MCC: variants seen among roughly 807,000 people sequenced by gnomAD.
MCC encodes MCC regulator of Wnt signaling pathway, also known as colorectal mutant cancer protein.
MCC carries 90 observed loss-of-function variants against 116.2 expected under a neutral mutation model. The ratio of observed to expected loss-of-function variants is 0.77; its 90% confidence interval spans 0.65 to 0.92. The LOEUF is 0.92. Ranked by LOEUF, MCC falls within the 40% of genes least tolerant of loss-of-function variation. MCC has a pLI of 0.00. For synonymous variants in MCC, 578 were observed against 510.5 expected, an observed-to-expected ratio of 1.13 and a Z score of -1.78; for missense variants, 1,516 against 1,312.2, an observed-to-expected ratio of 1.16 and a Z score of -2.40.
At chr5:113,187,773 A>G (rs2044240) in intron 3 of MCC, among the ~76,000 whole-genome samples, 98,022 of 144,396 alleles carry the variant, frequency 0.68, 34,446 homozygotes, top group Admixed American at 0.79. Flanking sequence ...AAAAAAAAAG[A>G]AAGAAAGAAA....
chr5:113,344,887 C>CTCCT (rs1768096571), intron 2 of MCC, among the ~76,000 whole-genome samples: 1 of 152,006 alleles, frequency 6.6e-6, no homozygotes, highest in African/African-American at 2.4e-5. Flanking sequence ...CAGTGAAAGA[C>CTCCT]TCCTTATATT....
At chr5:113,252,240 C>T (rs903750445) in intron 3 of MCC, among the ~76,000 whole-genome samples, 4 of 152,118 alleles carry the variant, frequency 2.6e-5, no homozygotes, top group African/African-American at 9.7e-5. Flanking sequence ...GGGTCCCCAG[C>T]CCCCGGGCCC....
intron 3 of MCC, among the ~76,000 whole-genome samples, chr5:113,337,104 T>G (rs573951197): frequency 1.3e-5 from 2 of 152,306 alleles, no homozygotes; most frequent in East Asian, 3.9e-4. Flanking sequence ...GAACTCAGCT[T>G]GACTCTCGTG....
At chr5:113,418,154 TTCAGGTATGATC>T (rs1188762906) in intron 1 of MCC, among the ~76,000 whole-genome samples, 2 of 152,070 alleles carry the variant, frequency 1.3e-5, no homozygotes, top group Non-Finnish European at 2.9e-5. Context: ...TGATAGAGGC[TTCAGGTATGATC>T]TCAATTTTCA....
intron 14 of MCC, among the ~76,000 whole-genome samples, chr5:113,055,769 T>G (rs1752792566): frequency 6.6e-6 from 1 of 152,178 alleles, no homozygotes; most frequent in South Asian, 2.1e-4. Context: ...GATTAGGCAT[T>G]GCTGCGAAGG....
At chr5:113,189,649 G>C (rs1005580062) in intron 3 of MCC, among the ~76,000 whole-genome samples, 1 of 152,194 alleles carries the variant, frequency 6.6e-6, no homozygotes, top group African/African-American at 2.4e-5. Context: ...CAACTGAGCG[G>C]ATCAAAATAA....
chr5:113,114,766 G>A (rs1258729996), intron 6 of MCC, among the ~76,000 whole-genome samples: 2 of 152,156 alleles, frequency 1.3e-5, no homozygotes, highest in African/African-American at 4.8e-5. Flanking sequence ...CCAGAATCCA[G>A]GGGAAGATTA....
intron 3 of MCC, among the ~76,000 whole-genome samples, chr5:113,308,445 CAG>C (rs1355758791): frequency 6.6e-6 from 1 of 152,156 alleles, no homozygotes; most frequent in Non-Finnish European, 1.5e-5. Flanking sequence ...TGCCCCAAAC[CAG>C]AGAGTGCCCA....
At chr5:113,220,918 T>C (rs1426952422) in intron 3 of MCC, among the ~76,000 whole-genome samples, 1 of 152,126 alleles carries the variant, frequency 6.6e-6, no homozygotes, top group African/African-American at 2.4e-5. Flanking sequence ...AAAGAAGCAG[T>C]GAGGCCGGGC....
rs749240107 is a variant in MCC at position 113,434,626 on chromosome 5, T to C, written c.171-49414A>G. The C allele has an allele frequency of 3.0e-5, 49 of 1,613,984 alleles. No individual in the cohort carries two copies. The highest frequency in any genetic ancestry group is 3.9e-5 in the Non-Finnish European group (46 of 1,179,898). On this transcript the variant is annotated intron_variant, in intron 1 of 18. Transcript: ENST00000408903. The surrounding 1 kb of genome is among the most constrained non-coding windows in gnomAD (Gnocchi z 4.2). ...TCAAAGATCTCGTAGGTCTTAATGA[T>C]GGAGCAGTGGTTTAACATGGCCAGA...
intron 11 of MCC, among the ~76,000 whole-genome samples, chr5:113,074,616 T>C (rs34045379): frequency 0.015 from 2,332 of 152,288 alleles, 28 homozygotes; most frequent in Non-Finnish European, 0.025. Context: ...TTCGAGCCCA[T>C]TGCAAAGAAG....
intron 3 of MCC, among the ~76,000 whole-genome samples, chr5:113,188,544 G>A (rs1762008584): frequency 6.6e-6 from 1 of 152,174 alleles, no homozygotes; most frequent in Non-Finnish European, 1.5e-5. Flanking sequence ...AAGTAAAGAT[G>A]TATTCAAAAC....
At chr5:113,065,753 A>T (rs1163535413) in intron 13 of MCC, among the ~76,000 whole-genome samples, 5 of 152,234 alleles carry the variant, frequency 3.3e-5, no homozygotes, top group Non-Finnish European at 7.3e-5. Context: ...CATGTCACAA[A>T]TGAGTTCCTG....
At chr5:113,050,212 G>C (rs1376441308) in intron 15 of MCC, among the ~76,000 whole-genome samples, 1 of 152,228 alleles carries the variant, frequency 6.6e-6, no homozygotes, top group African/African-American at 2.4e-5. Context: ...ACAGATTGCA[G>C]CCAAGCTGTC....
intron 4 of MCC, among the ~76,000 whole-genome samples, chr5:113,148,564 A>C (rs2900067): frequency 0.23 from 35,513 of 152,182 alleles, 4,390 homozygotes; most frequent in South Asian, 0.34. Flanking sequence ...ATAGAGCCAC[A>C]CAGCGTAAGT....
intron 1 of MCC, among the ~76,000 whole-genome samples, chr5:113,473,699 T>C (rs1398152378): frequency 6.6e-6 from 1 of 152,204 alleles, no homozygotes; most frequent in African/African-American, 2.4e-5. Flanking sequence ...AATTCAATGC[T>C]TTTGAAAATA....
intron 11 of MCC, among the ~76,000 whole-genome samples, chr5:113,075,379 A>C (rs116214957): frequency 0.15 from 22,737 of 152,132 alleles, 1,924 homozygotes; most frequent in South Asian, 0.22. Flanking sequence ...CCCTGCTCTG[A>C]GGTGCCCAGT....
chr5:113,318,573 C>T (rs192207902), intron 3 of MCC, among the ~76,000 whole-genome samples: 33 of 152,156 alleles, frequency 2.2e-4, no homozygotes, highest in African/African-American at 5.8e-4. Context: ...AGCAAACTAA[C>T]GCAGGAACAG....
At chr5:113,322,175 ACT>A (rs1182530498) in intron 3 of MCC, among the ~76,000 whole-genome samples, 1 of 152,210 alleles carries the variant, frequency 6.6e-6, no homozygotes, top group Non-Finnish European at 1.5e-5. Flanking sequence ...TGTGGATGCT[ACT>A]GATTTGTGGA....
Sources: gnomAD v4.1 joint callset for allele counts (sites outside exome capture counted in the v4.1 genomes callset) on GRCh38, gnomAD v4.1.1 for gene constraint, Gnocchi (gnomAD v3.1) non-coding constraint, MANE v1.5 for transcripts, NCBI Gene and HGNC (gene_info 2026-07-23, HGNC 2026-07-21) for gene names.